IFFO2: variants seen among roughly 807,000 people sequenced by gnomAD.
IFFO2 encodes the protein intermediate filament family orphan 2.
Under a neutral mutation model 53.5 loss-of-function variants are expected in IFFO2, and 19 were observed. The observed-to-expected ratio is 0.36, with a 90% CI of 0.25 to 0.52. The LOEUF (loss-of-function observed/expected upper bound fraction) is 0.52, where lower values mean the gene tolerates loss of function less well. Ranked by LOEUF, IFFO2 falls within the 20% of genes least tolerant of loss-of-function variation. IFFO2 has a pLI of 0.94. For missense variants in IFFO2, 570 were observed against 727.4 expected (o/e 0.78, Z 2.49); for synonymous variants, 303 against 313.6 (o/e 0.97, Z 0.36).
intron 8 of IFFO2, among the ~76,000 whole-genome samples, chr1:18,909,622 C>CTATAAGTG (rs1936003970): frequency 6.6e-6 from 1 of 152,094 alleles, no homozygotes; most frequent in Non-Finnish European, 1.5e-5. Flanking sequence ...GGGGGGTTTC[C>CTATAAGTG]CCTTTGCTAG....
intron 8 of IFFO2, 76 bp downstream of exon 8, chr1:18,910,266 C>T: frequency 6.6e-7 from 1 of 1,513,020 alleles, no homozygotes; most frequent in Admixed American, 2.0e-5. Context: ...GAGCATGACA[C>T]ATGGCCGAGT....
chr1:18,921,199 C>T lies in IFFO2; in HGVS notation c.666-78G>A, dbSNP rs988110582. On this transcript the variant is annotated intron_variant, in intron 1 of 8. Coordinates refer to ENST00000455833, the MANE Select transcript of IFFO2 (RefSeq NM_001136265.2). ...CCAGCCCTCAGACACAACCCCAACACCCACCCAGGGACTATCTTGAGCTGG... is the reference window on the plus strand; with the variant it reads ...CCAGCCCTCAGACACAACCCCAACATCCACCCAGGGACTATCTTGAGCTGG... The T allele has an allele frequency of 6.6e-5, 81 of 1,233,054 alleles. 1 individual carries two copies. In the South Asian group the frequency reaches 1.0e-3, roughly 16 times the overall value. 76.4% of individuals were successfully genotyped at this position (1,233,054 alleles called of 1,614,324 possible). A position where few individuals can be genotyped will look rare whatever the true frequency, so the allele number is the denominator to read the frequency against.
At chr1:18,933,224 T>C (rs1463525508) in intron 1 of IFFO2, among the ~76,000 whole-genome samples, 1 of 152,234 alleles carries the variant, frequency 6.6e-6, no homozygotes, top group African/African-American at 2.4e-5. Context: ...TGTGGGAAGT[T>C]CTGGGCACTG....
At chr1:18,913,054 C>T (rs1936064241) in intron 5 of IFFO2, among the ~76,000 whole-genome samples, 1 of 152,250 alleles carries the variant, frequency 6.6e-6, no homozygotes, top group African/African-American at 2.4e-5. Flanking sequence ...AATGTGGACC[C>T]TGTCTCCAGG....
rs569328869 is a variant in IFFO2 at position 18,918,651 on chromosome 1, T to G, written c.823-149A>C. 4.5e-5 allele frequency: 20 copies of G among 445,868 alleles called. No homozygotes were observed. The highest frequency in any genetic ancestry group is 5.4e-5 in the Non-Finnish European group (14 of 257,648). The allele number at this position is 445,868 out of a possible 1,614,324, so 27.6% of individuals were successfully genotyped here. On this transcript the variant is annotated intron_variant, in intron 3 of 8. Coordinates refer to ENST00000455833, the MANE Select transcript of IFFO2 (RefSeq NM_001136265.2). The surrounding 1 kb of genome is among the most constrained non-coding windows in gnomAD (Gnocchi z 5.2). ...GGGTGCCTTGGGCTTTTCCGTGGAG[T>G]GGAGGGCTGCGGCGGCACTGGTCAG...
intron 8 of IFFO2, among the ~76,000 whole-genome samples, chr1:18,909,554 C>T (rs1438884538): frequency 6.6e-6 from 1 of 152,102 alleles, no homozygotes; most frequent in Non-Finnish European, 1.5e-5. Flanking sequence ...GGGCGGTTTC[C>T]CCCATCCTGT....
At chr1:18,946,620 T>C (rs921557547) in intron 1 of IFFO2, among the ~76,000 whole-genome samples, 2 of 151,874 alleles carry the variant, frequency 1.3e-5, no homozygotes, top group South Asian at 2.1e-4. Context: ...GGTTTCACCA[T>C]CTTGGCCAGG....
At chr1:18,949,360 G>A (rs770753868) in intron 1 of IFFO2, among the ~76,000 whole-genome samples, 4 of 152,232 alleles carry the variant, frequency 2.6e-5, no homozygotes, top group Admixed American at 1.3e-4. Context: ...TTACAACTCC[G>A]GGTGTGGGGG....
At chr1:18,941,337 T>A (rs1936517539) in intron 1 of IFFO2, among the ~76,000 whole-genome samples, 1 of 152,216 alleles carries the variant, frequency 6.6e-6, no homozygotes, top group South Asian at 2.1e-4. Context: ...CCACCTCGTT[T>A]CCCACCTTGG....
At position 18,919,754 on chromosome 1, in the gene IFFO2, G is replaced by T. The variant is rs1313726930; in HGVS notation, c.746C>A (p.Ala249Asp). Reference protein sequence around the residue: ...TLQEAAQEADAIQEEMNEKIE... With the variant: ...TLQEAAQEADDIQEEMNEKIE... ...CTTCTCATTCATCTCCTCCTGGATGGCATCAGCCTCCTGTGCTGCCTGCGG... is the reference window on the plus strand; with the variant it reads ...CTTCTCATTCATCTCCTCCTGGATGTCATCAGCCTCCTGTGCTGCCTGCGG... Residue 249 changes from alanine (A) to aspartate (D), a missense_variant, in exon 3 of 9, where the codon GCC becomes GAC. Physicochemically the swap from Ala to Asp is moderately radical, Grantham distance 126 (BLOSUM62 -2). Coordinates refer to ENST00000455833, the MANE Select transcript of IFFO2 (RefSeq NM_001136265.2). This position sits in a 1 kb window ranked among gnomAD's most constrained non-coding sequence, Gnocchi z 4.9. 1 of 1,551,358 alleles carries T rather than the reference G, an allele frequency of 6.4e-7. No individual in the cohort carries two copies. The highest frequency in any genetic ancestry group is 8.7e-7 in the Non-Finnish European group (1 of 1,146,848).
In IFFO2 at chr1:18,921,254, C is replaced by T. The variant is rs950996574; in HGVS notation, c.666-133G>A. 5.2e-6 allele frequency: 4 copies of T among 763,558 alleles called. No homozygotes were observed. In the African/African-American group the frequency reaches 6.9e-5, roughly 13 times the overall value. The allele number at this position is 763,558 out of a possible 1,614,324, so 47.3% of individuals were successfully genotyped here. On this transcript the variant is annotated intron_variant, in intron 1 of 8. Coordinates refer to ENST00000455833, the MANE Select transcript of IFFO2 (RefSeq NM_001136265.2). Reference sequence around the variant, plus strand: ...GGAAGGTGCATTGGGGCATCCATCCCTGCCTGCCCTCTGGGAGCTCCCAGC... The same window carrying T: ...GGAAGGTGCATTGGGGCATCCATCCTTGCCTGCCCTCTGGGAGCTCCCAGC...
At chr1:18,913,299 G>A (rs920998530) in intron 5 of IFFO2, among the ~76,000 whole-genome samples, 1 of 152,270 alleles carries the variant, frequency 6.6e-6, no homozygotes, top group Non-Finnish European at 1.5e-5. Context: ...GTCCTGAGCT[G>A]GTAGGGGGTG....
At chr1:18,926,993 C>T (rs973670638) in intron 1 of IFFO2, among the ~76,000 whole-genome samples, 6 of 152,204 alleles carry the variant, frequency 3.9e-5, no homozygotes, top group East Asian at 1.9e-4. Flanking sequence ...CAGCAAGAGA[C>T]GGGTTCAAAT....
intron 1 of IFFO2, among the ~76,000 whole-genome samples, chr1:18,938,995 A>T (rs1936486814): frequency 6.6e-6 from 1 of 152,200 alleles, no homozygotes; most frequent in South Asian, 2.1e-4. Context: ...TGCCCCAGCC[A>T]CAGGAGCTAG....
chr1:18,938,850 C>A (rs1373995412), intron 1 of IFFO2, among the ~76,000 whole-genome samples: 4 of 152,226 alleles, frequency 2.6e-5, no homozygotes. Flanking sequence ...TAGGCAGTCT[C>A]CTCCTGGTGA....
chr1:18,941,588 G>A (rs898063743), intron 1 of IFFO2, among the ~76,000 whole-genome samples: 2 of 152,216 alleles, frequency 1.3e-5, no homozygotes, highest in Non-Finnish European at 2.9e-5. Flanking sequence ...AAGGAGGAAC[G>A]GCTGCCTTGC....
In IFFO2 at chr1:18,911,437, A is replaced by T; in HGVS notation, c.1264T>A (p.Ser422Thr). 6.6e-7 allele frequency: 1 copy of T among 1,521,070 alleles called. No homozygotes were observed. Among genetic ancestry groups the T allele is most frequent in the Non-Finnish European group, 8.8e-7 (1 of 1,133,490 alleles). 94.2% of individuals were successfully genotyped at this position (1,521,070 alleles called of 1,614,324 possible). A position where few individuals can be genotyped will look rare whatever the true frequency, so the allele number is the denominator to read the frequency against. The change falls in exon 7 of 9, where the codon TCC becomes ACC. Residue 422 changes from serine to threonine, a missense_variant. Physicochemically the swap from Ser to Thr is moderately conservative, Grantham distance 58 (BLOSUM62 1). Coordinates refer to ENST00000455833, the MANE Select transcript of IFFO2 (RefSeq NM_001136265.2). ...TCCTTGTCTCTCGTCTTGAAGAAGG[A>T]TTCGGTCTCATGGATCAAGTTGCCC... ...NLGNLIHETE[S>T]FFKTRDKEYQ...
In IFFO2 at chr1:18,955,801, C is replaced by T. The variant is rs1405969176; in HGVS notation, c.532G>A (p.Val178Met). ...ACCCACGACACGCCGGGGCCCTGCA[C>T]GGTCTCCACGCCGCCGCCGCCCGTG... is the stretch of plus-strand genomic sequence containing the variant. The part of the protein sequence containing the change: ...RRTGGGGVET[V>M]QGPGVSWVHP... Residue 178 changes from valine (V) to methionine (M), a missense_variant, in exon 1 of 9, where the codon GTG becomes ATG. By Grantham distance (21) the Val-to-Met change is conservative. Coordinates refer to ENST00000455833, the MANE Select transcript of IFFO2 (RefSeq NM_001136265.2). 5 of 1,534,646 alleles carry T rather than the reference C, an allele frequency of 3.3e-6. No individual in the cohort carries two copies. The highest frequency in any genetic ancestry group is 3.5e-6 in the Non-Finnish European group (4 of 1,147,170).
chr1:18,938,661 C>T (rs1173170684), intron 1 of IFFO2, among the ~76,000 whole-genome samples: 2 of 152,186 alleles, frequency 1.3e-5, no homozygotes, highest in African/African-American at 2.4e-5. Context: ...AGACCTTCTG[C>T]ACAAGGAAGC....
Sources: allele counts gnomAD v4.1 joint callset (sites outside exome capture counted in the v4.1 genomes callset), GRCh38; gene constraint gnomAD v4.1.1; non-coding constraint Gnocchi (gnomAD v3.1); transcripts MANE v1.5; gene names NCBI Gene and HGNC (gene_info 2026-07-23, HGNC 2026-07-21).